Variants in PAK5 observed in about 807,000 individuals in gnomAD.
PAK5 encodes p21 (RAC1) activated kinase 5.
Under a neutral mutation model 65.9 loss-of-function variants are expected in PAK5, and 16 were observed. The ratio of observed to expected loss-of-function variants is 0.24; its 90% CI spans 0.16 to 0.37. The LOEUF is 0.37. PAK5 is among the 10% of genes least tolerant of loss of function. PAK5 has a pLI of 1.00. For missense variants in PAK5, 785 were observed against 903.9 expected (o/e 0.87, Z 1.69); for synonymous variants, 371 against 354.9 (o/e 1.05, Z -0.51).
intron 3 of PAK5, among the ~76,000 whole-genome samples, chr20:9,589,692 T>C (rs1438567378): frequency 6.6e-6 from 1 of 152,186 alleles, no homozygotes; most frequent in Admixed American, 6.5e-5. Context: ...TGTTTTGAGA[T>C]GGAGTTTCAC....
At chr20:9,686,732 C>T (rs880168) in intron 2 of PAK5, among the ~76,000 whole-genome samples, 50,698 of 152,012 alleles carry the variant, frequency 0.33, 10,044 homozygotes, top group African/African-American at 0.56. Flanking sequence ...TGCATTGAGA[C>T]CCCTTCGTCT....
At chr20:9,807,682 C>T (rs1319727753) in intron 1 of PAK5, among the ~76,000 whole-genome samples, 1 of 151,426 alleles carries the variant, frequency 6.6e-6, no homozygotes, top group African/African-American at 2.4e-5. Context: ...GGTTCCCTTG[C>T]AGTTAATTTG....
intron 1 of PAK5, among the ~76,000 whole-genome samples, chr20:9,805,078 A>G (rs570031368): frequency 2.0e-5 from 3 of 152,318 alleles, no homozygotes; most frequent in South Asian, 2.1e-4. Flanking sequence ...GTGAATAGAC[A>G]TATTTCCCAA....
chr20:9,724,778 C>T (rs185503735), intron 1 of PAK5, among the ~76,000 whole-genome samples: 381 of 152,002 alleles, frequency 2.5e-3, no homozygotes, highest in Non-Finnish European at 4.8e-3. Flanking sequence ...CTGACTCAAC[C>T]GGCATCATAG....
chr20:9,540,647 T>C (rs985519776), intron 9 of PAK5, among the ~76,000 whole-genome samples: 1 of 152,164 alleles, frequency 6.6e-6, no homozygotes, highest in Non-Finnish European at 1.5e-5. Flanking sequence ...TTTGAAACCA[T>C]TAGGATTAAA....
intron 5 of PAK5, among the ~76,000 whole-genome samples, chr20:9,564,547 A>G (rs2045642175): frequency 6.6e-6 from 1 of 152,228 alleles, no homozygotes; most frequent in Non-Finnish European, 1.5e-5. Flanking sequence ...AGATAACATG[A>G]CAGTCTCAAT....
intron 2 of PAK5, among the ~76,000 whole-genome samples, chr20:9,657,794 G>A (rs1219053510): frequency 1.3e-5 from 2 of 152,150 alleles, no homozygotes; most frequent in Non-Finnish European, 2.9e-5. Context: ...CCAGGCAAAA[G>A]GAACCAAGGA....
At chr20:9,721,849 A>G (rs1358071693) in intron 1 of PAK5, among the ~76,000 whole-genome samples, 1 of 152,038 alleles carries the variant, frequency 6.6e-6, no homozygotes, top group Non-Finnish European at 1.5e-5. Context: ...CACAAAAACT[A>G]TACATTTAAA....
chr20:9,685,617 C>A (rs1278191984), intron 2 of PAK5, among the ~76,000 whole-genome samples: 1 of 152,146 alleles, frequency 6.6e-6, no homozygotes, highest in Admixed American at 6.5e-5. Flanking sequence ...AACTTGGAAA[C>A]AATAAATTTC....
In PAK5 at chr20:9,822,923, C is replaced by T. The variant is rs79775970; in HGVS notation, c.-162+15839G>A. ...TGGAGGCATGAGTTTTATACCATTT[C>T]CCAGTTCCTCTATTTTAATACTCTA... is the stretch of plus-strand genomic sequence containing the variant. On this transcript the variant is annotated intron_variant, in intron 1 of 9. Transcript: ENST00000353224. Among the ~76,000 whole-genome samples the T allele has an allele frequency of 5.7e-3, 855 of 150,916 alleles. 4 individuals are homozygous for T. Among genetic ancestry groups the T allele is most frequent in the Non-Finnish European group, 8.5e-3 (566 of 66,954 alleles).
At chr20:9,724,880 T>A (rs2048258293) in intron 1 of PAK5, among the ~76,000 whole-genome samples, 1 of 152,094 alleles carries the variant, frequency 6.6e-6, no homozygotes, top group South Asian at 2.1e-4. Context: ...ATTGCATATG[T>A]TAAAATAACT....
chr20:9,717,384 C>T (rs2048161287), intron 1 of PAK5, among the ~76,000 whole-genome samples: 1 of 152,072 alleles, frequency 6.6e-6, no homozygotes. Context: ...ATGCAGAGTA[C>T]CTGGCCAATA....
At chr20:9,747,188 A>G (rs1464750290) in intron 1 of PAK5, among the ~76,000 whole-genome samples, 1 of 152,176 alleles carries the variant, frequency 6.6e-6, no homozygotes, top group Non-Finnish European at 1.5e-5. Flanking sequence ...TTGTGGCAAT[A>G]ATCAATAGCT....
chr20:9,618,914 C>CTTTTTTTTTTTT (rs2046714022), intron 3 of PAK5, among the ~76,000 whole-genome samples: 3 of 21,852 alleles, frequency 1.4e-4, no homozygotes, highest in African/African-American at 3.4e-4. Flanking sequence ...CTCTTTCTTT[C>CTTTTTTTTTTTT]GTTTTTTTTT....
intron 1 of PAK5, among the ~76,000 whole-genome samples, chr20:9,794,167 G>C (rs986732792): frequency 6.6e-6 from 1 of 151,400 alleles, no homozygotes; most frequent in African/African-American, 2.4e-5. Context: ...ACACACACTG[G>C]GTCATGTTGG....
Position 9,766,401 on chromosome 20 carries a change from CAAGCAGAATATATATGTATATA to C in PAK5, c.-161-54988_-161-54967del, listed in dbSNP as rs1569079135. Among the ~76,000 whole-genome samples, 196 of 42,504 alleles carry C rather than the reference CAAGCAGAATATATATGTATATA, an allele frequency of 4.6e-3. 39 individuals are homozygous for C. Among genetic ancestry groups the C allele is most frequent in the African/African-American group, 0.023 (181 of 7,782 alleles). 27.9% of individuals were successfully genotyped at this position (42,504 alleles called of 152,430 possible). On this transcript the variant is annotated intron_variant, in intron 1 of 9. Coordinates refer to ENST00000353224, the MANE Select transcript of PAK5 (RefSeq NM_177990.4). ...CAGAATATATATGTATATATATATT[CAAGCAGAATATATATGTATATA>C]TATATTCAAGCAGAATATATATGTA...
intron 1 of PAK5, among the ~76,000 whole-genome samples, chr20:9,790,160 T>C (rs2049034885): frequency 6.6e-6 from 1 of 152,158 alleles, no homozygotes; most frequent in African/African-American, 2.4e-5. Flanking sequence ...CTACGGGTCC[T>C]GCTATTGTGT....
rs552210694 is a variant in PAK5 at position 9,813,323 on chromosome 20, G to A, written c.-162+25439C>T. Among the ~76,000 whole-genome samples, 6 of 152,134 alleles carry A rather than the reference G, an allele frequency of 3.9e-5. No individual in the cohort carries two copies. The South Asian group carries it at 1.2e-3, about 32-fold the overall frequency. On this transcript the variant is annotated intron_variant, in intron 1 of 9. Transcript: ENST00000353224. ...AGATATGTTCATTAGCTTAACCACA[G>A]TAACAATTCCATGGGTGTATATTGT...
chr20:9,641,094 T>C (rs1448288254), intron 3 of PAK5, among the ~76,000 whole-genome samples: 2 of 151,990 alleles, frequency 1.3e-5, no homozygotes, highest in Non-Finnish European at 1.5e-5. Flanking sequence ...GCGTTTACAA[T>C]CCCTGAGCTA....
Sources: gnomAD v4.1 joint callset for allele counts (sites outside exome capture counted in the v4.1 genomes callset) on GRCh38, gnomAD v4.1.1 for gene constraint, MANE v1.5 for transcripts, NCBI Gene and HGNC (gene_info 2026-07-23, HGNC 2026-07-21) for gene names.